Variants in CLSTN2 observed in about 807,000 individuals in gnomAD.
The protein encoded by CLSTN2 is calsyntenin 2, also known as calsyntenin-2.
A neutral mutation model predicts 101.2 loss-of-function variants in CLSTN2; 48 were observed. The observed-to-expected ratio is 0.47, with a 90% CI of 0.38 to 0.60. The LOEUF is 0.60. Ranked by LOEUF, CLSTN2 falls within the 20% of genes least tolerant of loss-of-function variation. CLSTN2 has a pLI of 0.00. For synonymous variants in CLSTN2, 481 were observed against 463.6 expected, an observed-to-expected ratio of 1.04 and a Z score of -0.48; for missense variants, 1,160 against 1,238.2, an observed-to-expected ratio of 0.94 and a Z score of 0.95.
intron 1 of CLSTN2, among the ~76,000 whole-genome samples, chr3:140,154,190 C>T (rs372364061): frequency 5.3e-5 from 8 of 152,010 alleles, no homozygotes; most frequent in African/African-American, 1.9e-4. Context: ...ATGGGGTCTT[C>T]AAGAAGGGGT....
At chr3:140,541,350 A>T (rs349553) in intron 9 of CLSTN2, among the ~76,000 whole-genome samples, 1 of 152,204 alleles carries the variant, frequency 6.6e-6, no homozygotes, top group Non-Finnish European at 1.5e-5. Context: ...GTCCCCAGTC[A>T]ACCTGAGTGG....
intron 1 of CLSTN2, among the ~76,000 whole-genome samples, chr3:140,147,659 C>T (rs1445041287): frequency 6.6e-6 from 1 of 151,858 alleles, no homozygotes; most frequent in Non-Finnish European, 1.5e-5. Flanking sequence ...AGGCATGCTT[C>T]CAACACAGTA....
At chr3:140,294,703 T>C (rs968892307) in intron 2 of CLSTN2, among the ~76,000 whole-genome samples, 17 of 152,146 alleles carry the variant, frequency 1.1e-4, no homozygotes, top group African/African-American at 3.9e-4. Context: ...CCCTCTCTCT[T>C]TCTGTCTTAT....
At chr3:140,259,242 G>A (rs1404282961) in intron 2 of CLSTN2, among the ~76,000 whole-genome samples, 1 of 151,270 alleles carries the variant, frequency 6.6e-6, no homozygotes, top group Non-Finnish European at 1.5e-5. Flanking sequence ...GGGAGGCCAA[G>A]GCGGGTGGAT....
intron 2 of CLSTN2, among the ~76,000 whole-genome samples, chr3:140,336,357 A>C (rs2107932937): frequency 1.3e-5 from 2 of 152,374 alleles, no homozygotes; most frequent in South Asian, 4.1e-4. Context: ...ACTCAGGTGG[A>C]ACAACCAATT....
chr3:140,399,994 A>T (rs1485149955), intron 2 of CLSTN2, among the ~76,000 whole-genome samples: 1 of 151,290 alleles, frequency 6.6e-6, no homozygotes, highest in Non-Finnish European at 1.5e-5. Context: ...GAGTCGTCTG[A>T]TCTTCCCTTT....
rs1935927641 is a variant in CLSTN2 at position 140,562,127 on chromosome 3, T to C, written c.2042-11T>C. 3 of 1,613,080 alleles carry C rather than the reference T, an allele frequency of 1.9e-6. No homozygotes were observed. The highest frequency in any genetic ancestry group is 1.3e-5 in the African/African-American group (1 of 74,906). On this transcript the variant is annotated splice_polypyrimidine_tract_variant and intron_variant, in intron 12 of 16. Coordinates refer to ENST00000458420, the MANE Select transcript of CLSTN2 (RefSeq NM_022131.3). The stretch of plus-strand genomic sequence containing the variant: ...TTCATGCCTGCATTTCCCATGTCTG[T>C]CTTCCTACAGACCCCAAATCAGAAG...
At chr3:140,072,112 C>T (rs568728771) in intron 1 of CLSTN2, among the ~76,000 whole-genome samples, 75 of 151,838 alleles carry the variant, frequency 4.9e-4, no homozygotes, top group African/African-American at 1.7e-3. Context: ...CCAGCATTGC[C>T]GTATTTAGAA....
At chr3:140,377,773 A>G (rs1346724526) in intron 2 of CLSTN2, among the ~76,000 whole-genome samples, 1 of 152,198 alleles carries the variant, frequency 6.6e-6, no homozygotes, top group Non-Finnish European at 1.5e-5. Flanking sequence ...TTATTCAAGA[A>G]AGAAAAATAT....
At chr3:140,417,198 T>C (rs1276422733) in intron 4 of CLSTN2, among the ~76,000 whole-genome samples, 1 of 152,230 alleles carries the variant, frequency 6.6e-6, no homozygotes, top group Non-Finnish European at 1.5e-5. Flanking sequence ...CATTTAACTA[T>C]ATGTATTTTC....
chr3:140,332,166 C>T (rs370019975), intron 2 of CLSTN2, among the ~76,000 whole-genome samples: 1 of 152,100 alleles, frequency 6.6e-6, no homozygotes, highest in East Asian at 1.9e-4. Context: ...CAGATGATTA[C>T]CTGAGCTGTC....
chr3:140,231,622 G>C (rs2086372742), intron 2 of CLSTN2, among the ~76,000 whole-genome samples: 1 of 152,170 alleles, frequency 6.6e-6, no homozygotes, highest in Non-Finnish European at 1.5e-5. Flanking sequence ...CCTAGTTCAA[G>C]TCTCCTCTAT....
intron 2 of CLSTN2, among the ~76,000 whole-genome samples, chr3:140,252,635 A>C (rs982999365): frequency 9.9e-5 from 15 of 152,198 alleles, no homozygotes; most frequent in African/African-American, 3.6e-4. Flanking sequence ...AATGTTATGC[A>C]TGTTGACAAG....
intron 2 of CLSTN2, among the ~76,000 whole-genome samples, chr3:140,281,794 A>G (rs1201894886): frequency 1.3e-5 from 2 of 152,058 alleles, no homozygotes; most frequent in East Asian, 3.9e-4. Context: ...CCTGAAAACC[A>G]TGTGAAACCA....
At chr3:140,513,712 A>T (rs1292057069) in intron 8 of CLSTN2, among the ~76,000 whole-genome samples, 1 of 150,454 alleles carries the variant, frequency 6.6e-6, no homozygotes, top group Non-Finnish European at 1.5e-5. Flanking sequence ...TAGGAATGGT[A>T]CCAGCTCTTC....
intron 8 of CLSTN2, among the ~76,000 whole-genome samples, chr3:140,524,389 G>A (rs1367930385): frequency 1.3e-5 from 2 of 152,182 alleles, no homozygotes; most frequent in Non-Finnish European, 2.9e-5. Flanking sequence ...AATATAAGAG[G>A]CCATATGTGG....
chr3:140,071,687 C>T (rs929451181), intron 1 of CLSTN2, among the ~76,000 whole-genome samples: 7 of 151,910 alleles, frequency 4.6e-5, no homozygotes, highest in African/African-American at 1.2e-4. Context: ...AAAAATTAGC[C>T]GGGCGTGGTG....
At chr3:140,082,440 G>C (rs1043740577) in intron 1 of CLSTN2, among the ~76,000 whole-genome samples, 3 of 152,272 alleles carry the variant, frequency 2.0e-5, no homozygotes, top group Non-Finnish European at 2.9e-5. Flanking sequence ...AGGCCAACAA[G>C]GTTGGCAAAT....
intron 2 of CLSTN2, among the ~76,000 whole-genome samples, chr3:140,196,113 T>C (rs1163903399): frequency 1.3e-5 from 2 of 152,216 alleles, no homozygotes; most frequent in African/African-American, 4.8e-5. Flanking sequence ...ATCTTTCGTG[T>C]TACCGAAGAA....
Sources: gnomAD v4.1 joint callset for allele counts (sites outside exome capture counted in the v4.1 genomes callset) on GRCh38, gnomAD v4.1.1 for gene constraint, MANE v1.5 for transcripts, NCBI Gene and HGNC (gene_info 2026-07-23, HGNC 2026-07-21) for gene names.